The following CACNB2 variants were observed in gnomAD, a reference collection of about 807,000 sequenced individuals.
The protein encoded by CACNB2 is voltage-dependent L-type calcium channel subunit beta-2.
In CACNB2, 42 loss-of-function variants were observed where a neutral mutation model predicts 73.3. The observed-to-expected ratio is 0.57, with a 90% CI of 0.45 to 0.74. The LOEUF is 0.74. Among genes scored for constraint, CACNB2 ranks in the 30% least tolerant of loss-of-function variants. The pLI is 0.00. For synonymous variants in CACNB2, 348 were observed against 310.3 expected, an observed-to-expected ratio of 1.12 and a Z score of -1.28; for missense variants, 940 against 853.0, an observed-to-expected ratio of 1.10 and a Z score of -1.27.
intron 6 of CACNB2, 101 bp downstream of exon 6, chr10:18,506,648 A>T: frequency 2.6e-6 from 2 of 771,432 alleles, no homozygotes; most frequent in Admixed American, 1.9e-5. Flanking sequence ...TCACTATGTT[A>T]ACCCTACAGA....
intron 3 of CACNB2, among the ~76,000 whole-genome samples, chr10:18,405,652 T>C (rs1005691458): frequency 1.3e-5 from 2 of 151,918 alleles, no homozygotes; most frequent in African/African-American, 2.4e-5. Context: ...GTAGAAGGAG[T>C]TGAAGCAGTG....
intron 7 of CACNB2, among the ~76,000 whole-genome samples, chr10:18,516,372 C>A (rs1589631985): frequency 1.3e-5 from 2 of 152,180 alleles, no homozygotes; most frequent in Admixed American, 6.5e-5. Context: ...TGATTGATTA[C>A]CAGCAACGGG....
chr10:18,414,098 G>C (rs2044793002), intron 3 of CACNB2, among the ~76,000 whole-genome samples: 1 of 152,236 alleles, frequency 6.6e-6, no homozygotes, highest in South Asian at 2.1e-4. Flanking sequence ...AGCTGCCTGG[G>C]ATATGACTGG....
chr10:18,236,199 C>T (rs2036437251), intron 2 of CACNB2, among the ~76,000 whole-genome samples: 1 of 152,178 alleles, frequency 6.6e-6, no homozygotes, highest in South Asian at 2.1e-4. Flanking sequence ...TCCAGTGTGA[C>T]TGCAGCCTGA....
rs1422321396 is a variant in CACNB2, at chr10:18,540,579, C to T, written c.*855C>T. 2.0e-5 allele frequency: 3 copies of T among 152,508 alleles called. No homozygotes were observed. The highest frequency in any genetic ancestry group is 1.5e-5 in the Non-Finnish European group (1 of 68,020). 9.4% of individuals were successfully genotyped at this position (152,508 alleles called of 1,614,324 possible). A position where few individuals can be genotyped will look rare whatever the true frequency, so the allele number is the denominator to read the frequency against. On this transcript the variant is annotated 3_prime_UTR_variant, in exon 14 of 14. Transcript: ENST00000324631. ...CTTGTAAGTAAGTTTGTAATTTCCA[C>T]CATAAATTATGGTAAATATAAAACT...
chr10:18,438,494 G>C (rs2046259349), intron 3 of CACNB2, among the ~76,000 whole-genome samples: 1 of 152,188 alleles, frequency 6.6e-6, no homozygotes, highest in African/African-American at 2.4e-5. Flanking sequence ...AGGCCCAACA[G>C]CCAATGGGCG....
intron 2 of CACNB2, among the ~76,000 whole-genome samples, chr10:18,187,925 G>C (rs1488027745): frequency 6.6e-6 from 1 of 152,134 alleles, no homozygotes; most frequent in African/African-American, 2.4e-5. Flanking sequence ...TTAAATGAAG[G>C]GCTGACAACA....
At chr10:18,426,212 C>T (rs1330787326) in intron 3 of CACNB2, among the ~76,000 whole-genome samples, 1 of 152,124 alleles carries the variant, frequency 6.6e-6, no homozygotes, top group African/African-American at 2.4e-5. Flanking sequence ...GAGGAAAATG[C>T]CTTTGTTATA....
chr10:18,269,022 G>A (rs1246840279), intron 2 of CACNB2, among the ~76,000 whole-genome samples: 1 of 152,140 alleles, frequency 6.6e-6, no homozygotes, highest in Non-Finnish European at 1.5e-5. Flanking sequence ...TGTTATATGT[G>A]GAGGTGCTTA....
intron 9 of CACNB2, among the ~76,000 whole-genome samples, chr10:18,522,191 C>G (rs1274135013): frequency 2.0e-5 from 3 of 151,984 alleles, no homozygotes; most frequent in Non-Finnish European, 2.9e-5. Flanking sequence ...AAAGGACCAT[C>G]TAGTTGCAGG....
chr10:18,433,462 C>G (rs2045986206), intron 3 of CACNB2, among the ~76,000 whole-genome samples: 1 of 152,038 alleles, frequency 6.6e-6, no homozygotes, highest in African/African-American at 2.4e-5. Context: ...TGTTGTTATC[C>G]AAGACCAAGC....
chr10:18,401,202 C>T (rs1291494058), intron 2 of CACNB2: 1 of 1,377,360 alleles, frequency 7.3e-7, no homozygotes, highest in Non-Finnish European at 1.0e-6. Context: ...TTTGGTTAAT[C>T]GGATCATGAT....
chr10:18,414,649 T>C (rs2044837603), intron 3 of CACNB2, among the ~76,000 whole-genome samples: 1 of 152,128 alleles, frequency 6.6e-6, no homozygotes, highest in Admixed American at 6.5e-5. Flanking sequence ...CACAGCCTGC[T>C]AATTTTTGTA....
intron 2 of CACNB2, among the ~76,000 whole-genome samples, chr10:18,157,916 A>G (rs2032177322): frequency 6.6e-6 from 1 of 152,140 alleles, no homozygotes; most frequent in Non-Finnish European, 1.5e-5. Flanking sequence ...ACTAGGCATC[A>G]TGATTTTTTT....
intron 13 of CACNB2, 81 bp from the exon 14 acceptor site, chr10:18,539,149 C>G: frequency 6.3e-7 from 1 of 1,575,908 alleles, no homozygotes; most frequent in African/African-American, 1.3e-5. Context: ...AAAAAGGACT[C>G]TGCTTGAATG....
intron 2 of CACNB2, among the ~76,000 whole-genome samples, chr10:18,361,334 TAA>T (rs113930288): frequency 0.098 from 13,351 of 136,388 alleles, 697 homozygotes; most frequent in Non-Finnish European, 0.13. Context: ...TACAAAAAAT[TAA>T]AAAAAAAAAA....
At chr10:18,472,221 CTTT>C (rs200348808) in intron 3 of CACNB2, among the ~76,000 whole-genome samples, 311 of 119,034 alleles carry the variant, frequency 2.6e-3, no homozygotes, top group African/African-American at 9.6e-3. Flanking sequence ...CACTTTTCTT[CTTT>C]TTTTTTTTTT....
At chr10:18,251,600 C>G (rs2037093379) in intron 2 of CACNB2, among the ~76,000 whole-genome samples, 1 of 152,178 alleles carries the variant, frequency 6.6e-6, no homozygotes, top group Non-Finnish European at 1.5e-5. Flanking sequence ...AGTCCGTTCT[C>G]ACACTGCTCT....
chr10:18,183,336 A>ATT (rs35228203), intron 2 of CACNB2, among the ~76,000 whole-genome samples: 5,408 of 151,464 alleles, frequency 0.036, 246 homozygotes, highest in African/African-American at 0.11. Flanking sequence ...CTTTTTTATT[A>ATT]TTTTTTTTCA....
Sources: gnomAD v4.1 joint callset for allele counts (sites outside exome capture counted in the v4.1 genomes callset) on GRCh38, gnomAD v4.1.1 for gene constraint, MANE v1.5 for transcripts, NCBI Gene and HGNC (gene_info 2026-07-23, HGNC 2026-07-21) for gene names.